TAF4B: variants seen among roughly 807,000 people sequenced by gnomAD.
TAF4B encodes the protein TATA-box binding protein associated factor 4b.
TAF4B carries 38 observed loss-of-function variants against 86.4 expected under a neutral mutation model. The observed-to-expected ratio is 0.44, with a 90% CI of 0.34 to 0.58. The LOEUF (loss-of-function observed/expected upper bound fraction) is 0.58, where lower values mean the gene tolerates loss of function less well. Ranked by LOEUF, TAF4B falls within the 20% of genes least tolerant of loss-of-function variation. TAF4B has a pLI of 0.02. For synonymous variants in TAF4B, 388 were observed against 391.2 expected (o/e 0.99, Z 0.10); for missense variants, 988 against 1,027.6 (o/e 0.96, Z 0.53).
rs189665225 is a variant in TAF4B at position 26,339,399 on chromosome 18, C to T, written c.2316+4168C>T. On this transcript the variant is annotated intron_variant, in intron 13 of 14. Transcript: ENST00000269142. ...GGAGCGCAGTGACGCAATCTGAGCT[C>T]ACTGCAGCTTTGACCTCCTGGGCTC... Among the ~76,000 whole-genome samples, 140 of 152,296 alleles carry T rather than the reference C, an allele frequency of 9.2e-4. 1 individual carries two copies. Among genetic ancestry groups the T allele is most frequent in the Non-Finnish European group, 1.6e-3 (107 of 68,016 alleles).
At chr18:26,387,912 A>C (rs1978473034) in intron 14 of TAF4B, among the ~76,000 whole-genome samples, 1 of 152,212 alleles carries the variant, frequency 6.6e-6, no homozygotes, top group African/African-American at 2.4e-5. Context: ...TGCTGTGAAC[A>C]TGCATGGAAT....
Position 26,306,981 on chromosome 18 carries a change from C to T in TAF4B, c.1833-8248C>T, listed in dbSNP as rs572866424. ...TTTTTTTAGTAGTGACGGAGTTTCACCGTGTTAGCCAGGATGGTCAGATGG... is the reference window on the plus strand; with the variant it reads ...TTTTTTTAGTAGTGACGGAGTTTCATCGTGTTAGCCAGGATGGTCAGATGG... On this transcript the variant is annotated intron_variant, in intron 9 of 14. Transcript: ENST00000269142. 3.9e-5 allele frequency among the ~76,000 whole-genome samples: 6 copies of T among 152,004 alleles called. No homozygotes were observed. In the South Asian group the frequency reaches 1.3e-3, roughly 32 times the overall value.
At chr18:26,383,042 T>G (rs1978299553) in intron 14 of TAF4B, among the ~76,000 whole-genome samples, 1 of 152,246 alleles carries the variant, frequency 6.6e-6, no homozygotes, top group Middle Eastern at 3.4e-3. Flanking sequence ...CAATTAATTG[T>G]CTGTATCAAA....
rs1358038461 is a variant in TAF4B at position 26,282,133 on chromosome 18, TCAATATGACAG to T, written c.972+78_972+88del. ...TAAAATAATTAAAAATGGGAATATTTCAATATGACAGCAATTGAATGTGAAGATACTGACAG... is the reference window on the plus strand; with the variant it reads ...TAAAATAATTAAAAATGGGAATATTTCAATTGAATGTGAAGATACTGACAG... On this transcript the variant is annotated intron_variant, in intron 6 of 14. Transcript: ENST00000269142. 12 of 1,233,270 alleles carry T rather than the reference TCAATATGACAG, an allele frequency of 9.7e-6. No homozygotes were observed. In the African/African-American group the frequency reaches 1.5e-4, roughly 16 times the overall value. The allele number at this position is 1,233,270 out of a possible 1,614,324, so 76.4% of individuals were successfully genotyped here.
intron 12 of TAF4B, among the ~76,000 whole-genome samples, chr18:26,331,908 T>G (rs903009124): frequency 5.3e-5 from 8 of 152,344 alleles, no homozygotes; most frequent in South Asian, 2.1e-4. Context: ...TGGCTTCCTG[T>G]TGCACTTAAA....
chr18:26,385,691 TTTTCTTCTTC>T (rs1208524427), intron 14 of TAF4B, among the ~76,000 whole-genome samples: 8 of 145,418 alleles, frequency 5.5e-5, no homozygotes, highest in African/African-American at 1.7e-4. Flanking sequence ...TTTTTTTTTT[TTTTCTTCTTC>T]TTCTTCTTCT....
intron 12 of TAF4B, among the ~76,000 whole-genome samples, chr18:26,334,628 A>G (rs1051687673): frequency 6.6e-6 from 1 of 152,326 alleles, no homozygotes; most frequent in African/African-American, 2.4e-5. Flanking sequence ...ATTAAGTGCT[A>G]TAGAGGACCC....
chr18:26,269,227 G>GCAA, intron 3 of TAF4B, among the ~76,000 whole-genome samples: 1 of 151,960 alleles, frequency 6.6e-6, no homozygotes, highest in East Asian at 1.9e-4. Context: ...GTCCTCCAGT[G>GCAA]AGTGTTTGTT....
chr18:26,345,112 T>A (rs1316801987), intron 13 of TAF4B, among the ~76,000 whole-genome samples: 1 of 152,148 alleles, frequency 6.6e-6, no homozygotes, highest in Non-Finnish European at 1.5e-5. Context: ...CACCAAGATA[T>A]GCCTGCTTGT....
intron 13 of TAF4B, 30 bp from the exon 14 acceptor site, chr18:26,357,660 A>G: frequency 3.3e-6 from 5 of 1,499,838 alleles, no homozygotes; most frequent in Non-Finnish European, 4.6e-6. Context: ...ATGTGTATAA[A>G]CATTGATATT....
chr18:26,371,319 C>T lies in TAF4B; in HGVS notation c.2421+13525C>T, dbSNP rs115376993. ...CAGAAAACTGTGGTCCCCTGTAGCCCGGTAGAAGAGAATGGAGGTAAAGAC... is the reference window on the plus strand; with the variant it reads ...CAGAAAACTGTGGTCCCCTGTAGCCTGGTAGAAGAGAATGGAGGTAAAGAC... On this transcript the variant is annotated intron_variant, in intron 14 of 14. Coordinates refer to ENST00000269142, the MANE Select transcript of TAF4B (RefSeq NM_005640.3). Among the ~76,000 whole-genome samples the T allele has an allele frequency of 6.8e-3, 1,039 of 152,160 alleles. 15 individuals carry two copies. Among genetic ancestry groups the T allele is most frequent in the African/African-American group, 0.023 (936 of 41,514 alleles).
intron 3 of TAF4B, among the ~76,000 whole-genome samples, chr18:26,270,407 A>G (rs2056297986): frequency 6.6e-6 from 1 of 152,238 alleles, no homozygotes; most frequent in African/African-American, 2.4e-5. Context: ...GTTCTAGAAC[A>G]TGAAAGCTTG....
intron 13 of TAF4B, among the ~76,000 whole-genome samples, chr18:26,352,078 A>C (rs2057250181): frequency 1.3e-5 from 2 of 152,158 alleles, no homozygotes; most frequent in Non-Finnish European, 2.9e-5. Context: ...AATGTTAAAA[A>C]GTTCAAATAA....
At chr18:26,339,606 A>C (rs112056694) in intron 13 of TAF4B, among the ~76,000 whole-genome samples, 186 of 149,866 alleles carry the variant, frequency 1.2e-3, no homozygotes, top group African/African-American at 4.4e-3. Context: ...GGATTACAGG[A>C]GTGAGACACT....
intron 9 of TAF4B, among the ~76,000 whole-genome samples, chr18:26,310,799 T>A (rs1219193987): frequency 1.3e-5 from 2 of 152,130 alleles, no homozygotes; most frequent in Non-Finnish European, 2.9e-5. Flanking sequence ...AGTTACCACT[T>A]TTTTTCAGTT....
chr18:26,253,704 C>T (rs961071246), intron 1 of TAF4B, among the ~76,000 whole-genome samples: 5 of 152,074 alleles, frequency 3.3e-5, no homozygotes, highest in Admixed American at 2.0e-4. Flanking sequence ...TCTGGACCTG[C>T]GCTTTTCTTA....
chr18:26,227,839 T>TA (rs1019895752), intron 1 of TAF4B, among the ~76,000 whole-genome samples: 1 of 152,232 alleles, frequency 6.6e-6, no homozygotes, highest in African/African-American at 2.4e-5. Flanking sequence ...TCTTGTGTAT[T>TA]ACAACTGAAA....
intron 7 of TAF4B, among the ~76,000 whole-genome samples, chr18:26,288,203 T>A (rs907375758): frequency 1.3e-5 from 2 of 152,196 alleles, no homozygotes; most frequent in Non-Finnish European, 2.9e-5. Context: ...AGCATATAGG[T>A]CCCTGGGGTG....
chr18:26,266,506 A>T (rs1212147554), intron 2 of TAF4B, among the ~76,000 whole-genome samples: 1 of 152,174 alleles, frequency 6.6e-6, no homozygotes, highest in Non-Finnish European at 1.5e-5. Flanking sequence ...AGAATGACCT[A>T]TTTTACATCC....
Sources: gnomAD v4.1 joint callset for allele counts (sites outside exome capture counted in the v4.1 genomes callset) on GRCh38, gnomAD v4.1.1 for gene constraint, MANE v1.5 for transcripts, NCBI Gene and HGNC (gene_info 2026-07-23, HGNC 2026-07-21) for gene names.